Variants in PPP2R5A observed in about 807,000 individuals in gnomAD.
PPP2R5A encodes the protein serine/threonine-protein phosphatase 2A 56 kDa regulatory subunit alpha isoform.
PPP2R5A carries 25 observed loss-of-function variants against 64.2 expected under a neutral mutation model. That is an observed-to-expected ratio of 0.39 (90% CI 0.28 to 0.54). The LOEUF (loss-of-function observed/expected upper bound fraction) is 0.54. Ranked by LOEUF, PPP2R5A falls within the 20% of genes least tolerant of loss-of-function variation. The pLI is 0.67. For synonymous variants in PPP2R5A, 198 were observed against 201.2 expected (o/e 0.98, Z 0.13); for missense variants, 425 against 576.3 (o/e 0.74, Z 2.69).
Position 212,349,191 on chromosome 1 carries a change from A to G in PPP2R5A, c.876A>G (p.Leu292=). The G allele has an allele frequency of 6.5e-7, 1 of 1,548,076 alleles. No homozygotes were observed. The highest frequency in any genetic ancestry group is 8.8e-7 in the Non-Finnish European group (1 of 1,136,342). Residue 292 remains leucine, a splice_region_variant and synonymous_variant, in exon 8 of 13, where the codon CTA becomes CTG. Coordinates refer to ENST00000261461, the MANE Select transcript of PPP2R5A (RefSeq NM_006243.4). ...ATAAACTGTCCCTTACCTTTTAGCTAGCATATTGTGTTGTACAGTTCCTGG... is the reference window on the plus strand; with the variant it reads ...ATAAACTGTCCCTTACCTTTTAGCTGGCATATTGTGTTGTACAGTTCCTGG... The part of the protein sequence containing the change: ...AKGLALFHAQ[L]AYCVVQFLEK...
chr1:212,324,112 C>T (rs561895397), intron 1 of PPP2R5A, among the ~76,000 whole-genome samples: 5 of 151,980 alleles, frequency 3.3e-5, no homozygotes, highest in African/African-American at 4.8e-5. Flanking sequence ...AAACCTACTA[C>T]GATTATGCTT....
intron 1 of PPP2R5A, among the ~76,000 whole-genome samples, chr1:212,320,586 G>T (rs1475912267): frequency 7.9e-6 from 1 of 127,078 alleles, no homozygotes; most frequent in Non-Finnish European, 1.6e-5. Context: ...TGACCCCCCC[G>T]CCTCCCTCCC....
At chr1:212,323,165 A>T (rs1246464368) in intron 1 of PPP2R5A, among the ~76,000 whole-genome samples, 1 of 152,156 alleles carries the variant, frequency 6.6e-6, no homozygotes, top group African/African-American at 2.4e-5. Context: ...GATTGTGTGG[A>T]GAATAGTCAG....
intron 1 of PPP2R5A, among the ~76,000 whole-genome samples, chr1:212,293,317 G>A (rs1658636513): frequency 6.6e-6 from 1 of 152,244 alleles, no homozygotes; most frequent in East Asian, 1.9e-4. Flanking sequence ...ACATGGACAT[G>A]TGTGTATAAA....
Position 212,356,947 on chromosome 1 carries a change from T to G in PPP2R5A, c.979-3T>G. ...TTCTTAAAATAAAATTTTTTTAACC[T>G]AGGTGATGTTTTTAGGAGAAATTGA... On this transcript the variant is annotated splice_polypyrimidine_tract_variant and splice_region_variant and intron_variant, in intron 9 of 12. Transcript: ENST00000261461. 6.4e-7 allele frequency: 1 copy of G among 1,553,918 alleles called. No individual in the cohort carries two copies. Among genetic ancestry groups the G allele is most frequent in the East Asian group, 2.2e-5 (1 of 44,462 alleles).
intron 1 of PPP2R5A, among the ~76,000 whole-genome samples, chr1:212,300,869 G>A (rs952443639): frequency 2.0e-5 from 3 of 151,796 alleles, no homozygotes; most frequent in East Asian, 1.9e-4. Context: ...AGAATGTGCC[G>A]TTTTAAAAAA....
chr1:212,340,778 T>G (rs1270580230), intron 3 of PPP2R5A, among the ~76,000 whole-genome samples: 1 of 152,226 alleles, frequency 6.6e-6, no homozygotes, highest in Non-Finnish European at 1.5e-5. Context: ...ATCCCCAAAC[T>G]TTTGTTAGCT....
At chr1:212,354,384 A>T (rs1245842887) in intron 8 of PPP2R5A, among the ~76,000 whole-genome samples, 2 of 151,936 alleles carry the variant, frequency 1.3e-5, no homozygotes, top group African/African-American at 4.8e-5. Context: ...TGTCTCTTAA[A>T]AAATAAAAAT....
intron 12 of PPP2R5A, among the ~76,000 whole-genome samples, chr1:212,359,279 A>G (rs528531325): frequency 5.6e-4 from 86 of 152,332 alleles, no homozygotes; most frequent in African/African-American, 1.9e-3. Context: ...AGCAGTAGGT[A>G]ATTCTTACGC....
At chr1:212,288,918 C>T (rs1658552839) in intron 1 of PPP2R5A, among the ~76,000 whole-genome samples, 1 of 152,180 alleles carries the variant, frequency 6.6e-6, no homozygotes, top group Non-Finnish European at 1.5e-5. Flanking sequence ...AACTAGTTTT[C>T]CTCAAACCAT....
intron 1 of PPP2R5A, among the ~76,000 whole-genome samples, chr1:212,317,918 A>G (rs1259795660): frequency 6.6e-6 from 1 of 151,998 alleles, no homozygotes; most frequent in Non-Finnish European, 1.5e-5. Context: ...CCTGGGAGGC[A>G]GAGGTTGCAG....
chr1:212,346,002 AT>A, intron 5 of PPP2R5A, 69 bp downstream of exon 5: 1 of 1,451,918 alleles, frequency 6.9e-7, no homozygotes, highest in Non-Finnish European at 9.3e-7. Flanking sequence ...AAGTTCTTTT[AT>A]TTTTATTTGT....
At chr1:212,349,958 G>A (rs1046456750) in intron 8 of PPP2R5A, among the ~76,000 whole-genome samples, 1 of 152,214 alleles carries the variant, frequency 6.6e-6, no homozygotes, top group African/African-American at 2.4e-5. Context: ...TTCTAGGCAT[G>A]TTCAGTCTAA....
chr1:212,359,942 A>C (rs148945265), intron 12 of PPP2R5A, among the ~76,000 whole-genome samples: 188 of 152,314 alleles, frequency 1.2e-3, no homozygotes, highest in African/African-American at 4.5e-3. Context: ...TAAATCAGCA[A>C]ATCCTTTAAA....
intron 1 of PPP2R5A, among the ~76,000 whole-genome samples, chr1:212,319,787 ATT>A (rs968633537): frequency 6.7e-6 from 1 of 150,278 alleles, no homozygotes. Flanking sequence ...CACCCGGCTA[ATT>A]TTTTTGTATT....
At chr1:212,301,807 T>A in intron 1 of PPP2R5A, 1 of 1,157,132 alleles carries the variant, frequency 8.6e-7, no homozygotes, top group Non-Finnish European at 1.1e-6. Context: ...TGGGTTGCTA[T>A]GATACAGTGC....
intron 8 of PPP2R5A, among the ~76,000 whole-genome samples, chr1:212,351,698 C>T (rs533600576): frequency 2.9e-4 from 44 of 152,238 alleles, no homozygotes; most frequent in Admixed American, 2.1e-3. Context: ...GCACTGCACT[C>T]CAGCCTGGGC....
intron 1 of PPP2R5A, among the ~76,000 whole-genome samples, chr1:212,311,005 A>C (rs1659019806): frequency 6.6e-6 from 1 of 152,218 alleles, no homozygotes; most frequent in African/African-American, 2.4e-5. Context: ...CATGTGCTGC[A>C]TAACGATGTT....
chr1:212,319,338 A>G (rs1659216718), intron 1 of PPP2R5A: 1 of 152,220 alleles, frequency 6.6e-6, no homozygotes, highest in African/African-American at 2.4e-5. Flanking sequence ...TTAAACCTTT[A>G]AGTGAAATTC....
Sources: allele counts gnomAD v4.1 joint callset (sites outside exome capture counted in the v4.1 genomes callset), GRCh38; gene constraint gnomAD v4.1.1; transcripts MANE v1.5; gene names NCBI Gene and HGNC (gene_info 2026-07-23, HGNC 2026-07-21).